Variants in XRN1 observed in about 807,000 individuals in gnomAD.
XRN1 encodes the protein 5'-3' exoribonuclease 1.
A neutral mutation model predicts 222.3 loss-of-function variants in XRN1; 67 were observed. That is an observed-to-expected ratio of 0.30 (90% CI 0.25 to 0.37). The LOEUF is 0.37. Ranked by LOEUF, XRN1 falls within the 10% of genes least tolerant of loss-of-function variation. The pLI is 1.00. For missense variants in XRN1, 1,707 were observed against 2,000.2 expected, an observed-to-expected ratio of 0.85 and a Z score of 2.80; for synonymous variants, 643 against 652.4, an observed-to-expected ratio of 0.99 and a Z score of 0.22.
intron 37 of XRN1, 79 bp from the exon 38 acceptor site, chr3:142,318,982 T>A: frequency 8.7e-7 from 1 of 1,153,902 alleles, no homozygotes; most frequent in Non-Finnish European, 1.2e-6. Context: ...TCTAAACAAG[T>A]AAAATAATTT....
chr3:142,405,203 T>C (rs1200702903), intron 15 of XRN1, 127 bp from the exon 16 acceptor site: 4 of 806,178 alleles, frequency 5.0e-6, no homozygotes, highest in East Asian at 2.6e-5. Flanking sequence ...AAAACCAAAA[T>C]CTTAACTAAT....
chr3:142,354,729 C>T (rs886305415), intron 32 of XRN1, among the ~76,000 whole-genome samples: 14 of 152,082 alleles, frequency 9.2e-5, no homozygotes, highest in African/African-American at 3.1e-4. Context: ...TGGGGTTTCA[C>T]CATATTGGCC....
chr3:142,412,975 T>C lies in XRN1; in HGVS notation c.1594-312A>G, dbSNP rs537263661. On this transcript the variant is annotated intron_variant, in intron 14 of 40. Transcript: ENST00000392981. The stretch of plus-strand genomic sequence containing the variant: ...TCACTCTACAAGACACACAGCTAAA[T>C]TGTTTTTCTATTCAGACTTCATTTC... 5.9e-5 allele frequency among the ~76,000 whole-genome samples: 9 copies of C among 152,306 alleles called. No homozygotes were observed. In the South Asian group the frequency reaches 1.9e-3, roughly 32 times the overall value.
chr3:142,343,768 G>C (rs914931285), intron 33 of XRN1, among the ~76,000 whole-genome samples: 15 of 152,104 alleles, frequency 9.9e-5, no homozygotes, highest in Non-Finnish European at 1.8e-4. Context: ...ATATATTGCA[G>C]AGATTATCTC....
At chr3:142,314,951 GTT>G (rs1204432176) in intron 39 of XRN1, among the ~76,000 whole-genome samples, 5 of 88,620 alleles carry the variant, frequency 5.6e-5, no homozygotes, top group African/African-American at 1.3e-4. Flanking sequence ...TCTGTCGTCT[GTT>G]TTTTTTTTTT....
chr3:142,400,755 C>T (rs2068099036), intron 18 of XRN1, among the ~76,000 whole-genome samples: 1 of 152,036 alleles, frequency 6.6e-6, no homozygotes, highest in Non-Finnish European at 1.5e-5. Context: ...CCCATCTCTA[C>T]TAAAATTACA....
chr3:142,384,478 TAATA>T (rs762468518), intron 21 of XRN1, 41 bp downstream of exon 21: 457 of 1,502,764 alleles, frequency 3.0e-4, no homozygotes, highest in Non-Finnish European at 3.8e-4. Flanking sequence ...AATAGTGTAT[TAATA>T]GTGTATATTA....
rs573465501 is a variant in XRN1 at position 142,312,911 on chromosome 3, A to G, written c.4622-153T>C. ...TTCACCTATAATTACTCTTCCTTAC[A>G]ACATTCAACCTCAGGATCCTTTCCT... On this transcript the variant is annotated intron_variant, in intron 39 of 40. Transcript: ENST00000392981. Among the ~76,000 whole-genome samples the G allele has an allele frequency of 3.9e-5, 6 of 152,236 alleles. No homozygotes were observed. In the South Asian group the frequency reaches 1.2e-3, roughly 32 times the overall value.
At chr3:142,342,244 G>A (rs1002769096) in intron 33 of XRN1, among the ~76,000 whole-genome samples, 27 of 151,904 alleles carry the variant, frequency 1.8e-4, no homozygotes, top group Non-Finnish European at 2.8e-4. Context: ...ATTAACCAAA[G>A]AGTTCTCTAC....
At chr3:142,339,825 CA>C (rs2065942300) in intron 33 of XRN1, among the ~76,000 whole-genome samples, 1 of 152,052 alleles carries the variant, frequency 6.6e-6, no homozygotes, top group South Asian at 2.1e-4. Context: ...CAAAAACAAA[CA>C]AACAAAATCC....
intron 2 of XRN1, among the ~76,000 whole-genome samples, chr3:142,431,905 T>C (rs1462887903): frequency 2.9e-5 from 1 of 34,136 alleles, no homozygotes; most frequent in Non-Finnish European, 5.0e-5. Flanking sequence ...ATATATATTA[T>C]ATATATAAAT....
intron 27 of XRN1, among the ~76,000 whole-genome samples, chr3:142,367,240 T>G (rs995505868): frequency 6.6e-6 from 1 of 151,792 alleles, no homozygotes; most frequent in Non-Finnish European, 1.5e-5. Flanking sequence ...TGAGTCGAGA[T>G]TGCACCACTG....
At chr3:142,421,366 A>C in intron 9 of XRN1, 110 bp downstream of exon 9, 1 of 952,212 alleles carries the variant, frequency 1.1e-6, no homozygotes, top group South Asian at 2.0e-5. Context: ...TATATTGAAT[A>C]AGCAATTGGA....
rs548768831 is a variant in XRN1, at chr3:142,323,025, G to T, written c.4405-4122C>A. 5.9e-5 allele frequency among the ~76,000 whole-genome samples: 9 copies of T among 152,236 alleles called. No homozygotes were observed. The South Asian group carries it at 1.2e-3, about 21-fold the overall frequency. ...CTCAAAAATAAAGAGATGAGGTCTT[G>T]CCCAGGCTGATCTCAAACTACTGAG... is the stretch of plus-strand genomic sequence containing the variant. On this transcript the variant is annotated intron_variant, in intron 37 of 40. Coordinates refer to ENST00000392981, the MANE Select transcript of XRN1 (RefSeq NM_001282857.2).
chr3:142,401,921 C>A (rs1232359924), intron 18 of XRN1, among the ~76,000 whole-genome samples: 4 of 152,160 alleles, frequency 2.6e-5, no homozygotes, highest in African/African-American at 9.7e-5. Flanking sequence ...CAGATTTATG[C>A]AGCTTACATC....
At chr3:142,322,461 C>T (rs1247297426) in intron 37 of XRN1, among the ~76,000 whole-genome samples, 3 of 151,674 alleles carry the variant, frequency 2.0e-5, no homozygotes, top group African/African-American at 4.8e-5. Flanking sequence ...CTGAGGCAGG[C>T]AGATCACCTG....
In XRN1 at chr3:142,329,546, C is replaced by T. The variant is rs2065629904; in HGVS notation, c.4292G>A (p.Trp1431Ter). Residue 1431 changes from tryptophan (W) to a stop codon, truncating the protein, a stop_gained, in exon 37 of 41, where the codon TGG (tryptophan) becomes TAG (stop). Coordinates refer to ENST00000392981, the MANE Select transcript of XRN1 (RefSeq NM_001282857.2). LOFTEE classifies it high-confidence loss of function. ...AGGAGGGATCTGGCTGGGGGCAGGC[C>T]AACACATATTGTCCATAGACTGAAC... ...HNVQSMDNMCWPAPSQIPPVS... is the reference protein window; with the variant it reads ...HNVQSMDNMC 6.2e-7 allele frequency: 1 copy of T among 1,600,530 alleles called. No homozygotes were observed. Among genetic ancestry groups the T allele is most frequent in the African/African-American group, 1.4e-5 (1 of 73,884 alleles).
At chr3:142,335,644 A>T in intron 33 of XRN1, 135 bp from the exon 34 acceptor site, 1 of 739,278 alleles carries the variant, frequency 1.4e-6, no homozygotes, top group Non-Finnish European at 2.2e-6. Flanking sequence ...AACTTAAGGA[A>T]TTTATAACAT....
At chr3:142,404,021 A>T (rs1175263398) in intron 16 of XRN1, 32 bp from the exon 17 acceptor site, 14 of 1,491,778 alleles carry the variant, frequency 9.4e-6, no homozygotes, top group Non-Finnish European at 1.3e-5. Flanking sequence ...TTAATTTAAA[A>T]TTAATACATT....
Sources: allele counts gnomAD v4.1 joint callset (sites outside exome capture counted in the v4.1 genomes callset), GRCh38; gene constraint gnomAD v4.1.1; transcripts MANE v1.5; gene names NCBI Gene and HGNC (gene_info 2026-07-23, HGNC 2026-07-21).